Variants in FAM135B observed in about 807,000 individuals in gnomAD.
FAM135B encodes the protein family with sequence similarity 135 member B, also known as protein FAM135B.
FAM135B carries 43 observed loss-of-function variants against 127.7 expected under a neutral mutation model. The ratio of observed to expected loss-of-function variants is 0.34; its 90% CI spans 0.26 to 0.43. FAM135B has a LOEUF of 0.43. FAM135B is among the 20% of genes least tolerant of loss of function. The pLI is 1.00. For synonymous variants in FAM135B, 670 were observed against 665.1 expected, an observed-to-expected ratio of 1.01 and a Z score of -0.11; for missense variants, 1,558 against 1,725.6, an observed-to-expected ratio of 0.90 and a Z score of 1.72.
chr8:138,385,630 G>C (rs553521580), intron 1 of FAM135B, among the ~76,000 whole-genome samples: 4 of 151,634 alleles, frequency 2.6e-5, no homozygotes, highest in African/African-American at 7.3e-5. Context: ...GGCCAACATG[G>C]TGAAACACTG....
rs1818256420 is a variant in FAM135B at position 138,152,450 on chromosome 8, G to A, written c.2025C>T (p.Val675=). The A allele has an allele frequency of 6.2e-7, 1 of 1,614,178 alleles. No individual in the cohort carries two copies. The highest frequency in any genetic ancestry group is 8.5e-7 in the Non-Finnish European group (1 of 1,180,044). ...ATATGATGGATGAAGATCTCTTGAT[G>A]ACCCCGGATAGCACTGAGAGTTCCT... The part of the protein sequence containing the change: ...EQEELSVLSG[V]IKRSSSIISD... The change falls in exon 13 of 20, where the codon GTC becomes GTT. Residue 675 remains valine (V), a synonymous_variant. Transcript: ENST00000395297.
intron 9 of FAM135B, among the ~76,000 whole-genome samples, chr8:138,190,280 C>T: frequency 6.6e-6 from 1 of 152,202 alleles, no homozygotes; most frequent in Non-Finnish European, 1.5e-5. Flanking sequence ...AACCCCTCCT[C>T]TTGGTCAGGG....
intron 1 of FAM135B, among the ~76,000 whole-genome samples, chr8:138,408,030 T>C (rs1833626204): frequency 1.3e-5 from 2 of 152,204 alleles, no homozygotes; most frequent in African/African-American, 4.8e-5. Flanking sequence ...GCTTTGTTGT[T>C]CCATTTCTAG....
chr8:138,372,885 C>T (rs868775466), intron 1 of FAM135B, among the ~76,000 whole-genome samples: 6 of 74,778 alleles, frequency 8.0e-5, no homozygotes, highest in Admixed American at 3.4e-4. Flanking sequence ...GACCAGTCCA[C>T]GTTATGAAGC....
In FAM135B at chr8:138,181,802, C is replaced by G. The variant is rs74413426; in HGVS notation, c.874-3112G>C. 8.1e-3 allele frequency among the ~76,000 whole-genome samples: 1,238 copies of G among 152,264 alleles called. 16 individuals carry two copies. The highest frequency in any genetic ancestry group is 0.027 in the African/African-American group (1,142 of 41,552). On this transcript the variant is annotated intron_variant, in intron 9 of 19. Transcript: ENST00000395297. ...CTTCTGAACCTTCTCCAATGCTCCG[C>G]GTGTAAGTCTAAGATCCTTCTTGAC... is the stretch of plus-strand genomic sequence containing the variant.
rs1237076824 is a variant in FAM135B, at chr8:138,212,937, T to C, written c.670-15268A>G. Among the ~76,000 whole-genome samples, 4 of 152,210 alleles carry C rather than the reference T, an allele frequency of 2.6e-5. No homozygotes were observed. The East Asian group carries it at 7.7e-4, about 29-fold the overall frequency. ...ATAATGTGGCTTGAAGGTCCGATTTTTTAAAAAAAATTACTAGTCTCCAAT... is the reference window on the plus strand; with the variant it reads ...ATAATGTGGCTTGAAGGTCCGATTTCTTAAAAAAAATTACTAGTCTCCAAT... On this transcript the variant is annotated intron_variant, in intron 7 of 19. Coordinates refer to ENST00000395297, the MANE Select transcript of FAM135B (RefSeq NM_015912.4).
At position 138,445,302 on chromosome 8, in the gene FAM135B, A is replaced by T. The variant is rs529851446; in HGVS notation, c.-20+51369T>A. On this transcript the variant is annotated intron_variant, in intron 1 of 19. Transcript: ENST00000395297. Reference sequence around the variant, plus strand: ...GAGGGAATCCTCCCTAACTCATTTTATGAGGCCAGCATCATTCTGATACCA... The same window carrying T: ...GAGGGAATCCTCCCTAACTCATTTTTTGAGGCCAGCATCATTCTGATACCA... 3.8e-3 allele frequency among the ~76,000 whole-genome samples: 572 copies of T among 152,348 alleles called. 5 individuals are homozygous for T. The highest frequency in any genetic ancestry group is 0.013 in the African/African-American group (542 of 41,578).
intron 17 of FAM135B, among the ~76,000 whole-genome samples, chr8:138,139,871 C>A (rs938974169): frequency 1.3e-5 from 2 of 152,196 alleles, no homozygotes; most frequent in East Asian, 1.9e-4. Context: ...GCAAATTAAT[C>A]TGATAGAAAC....
At chr8:138,433,523 C>CAATA (rs144218276) in intron 1 of FAM135B, among the ~76,000 whole-genome samples, 12,210 of 140,600 alleles carry the variant, frequency 0.087, 602 homozygotes, top group East Asian at 0.14. Context: ...GATTCTGTCT[C>CAATA]AATAAATAAA....
chr8:138,408,155 C>T (rs548215873), intron 1 of FAM135B, among the ~76,000 whole-genome samples: 17 of 152,284 alleles, frequency 1.1e-4, no homozygotes, highest in Non-Finnish European at 1.6e-4. Flanking sequence ...TAACAAAAGA[C>T]GTCAGCCTTG....
At chr8:138,313,522 G>A (rs1826848947) in intron 2 of FAM135B, among the ~76,000 whole-genome samples, 1 of 150,870 alleles carries the variant, frequency 6.6e-6, no homozygotes, top group Non-Finnish European at 1.5e-5. Context: ...AATAAATTTT[G>A]TTTGTTTGTT....
chr8:138,415,152 G>C (rs1212891635), intron 1 of FAM135B, among the ~76,000 whole-genome samples: 1 of 152,176 alleles, frequency 6.6e-6, no homozygotes, highest in East Asian at 1.9e-4. Context: ...CCAAGAACTT[G>C]GTTTCAACCT....
At chr8:138,424,015 T>C (rs1258203754) in intron 1 of FAM135B, among the ~76,000 whole-genome samples, 1 of 152,104 alleles carries the variant, frequency 6.6e-6, no homozygotes, top group Admixed American at 6.6e-5. Context: ...GAGTTTAAGG[T>C]TTTCTCTCTT....
intron 11 of FAM135B, among the ~76,000 whole-genome samples, chr8:138,168,478 AT>A: frequency 6.6e-6 from 1 of 152,124 alleles, no homozygotes; most frequent in Non-Finnish European, 1.5e-5. Flanking sequence ...ATTTTGGCAT[AT>A]TTGAATTAAA....
chr8:138,160,572 T>TA (rs1328576071), intron 12 of FAM135B, among the ~76,000 whole-genome samples: 14 of 139,548 alleles, frequency 1.0e-4, no homozygotes, highest in Admixed American at 5.1e-4. Context: ...TTTTTTTTTG[T>TA]ATTTTAGTGG....
intron 3 of FAM135B, among the ~76,000 whole-genome samples, chr8:138,300,680 T>C (rs1314254614): frequency 6.6e-6 from 1 of 152,014 alleles, no homozygotes; most frequent in Non-Finnish European, 1.5e-5. Flanking sequence ...GAGCAAAGAA[T>C]TTATCTTGTG....
At chr8:138,464,676 T>C (rs755362634) in intron 1 of FAM135B, among the ~76,000 whole-genome samples, 5 of 152,192 alleles carry the variant, frequency 3.3e-5, no homozygotes, top group Non-Finnish European at 5.9e-5. Context: ...TATTCTTCCA[T>C]CATCCCAACA....
chr8:138,355,125 T>C (rs1434827098), intron 2 of FAM135B, among the ~76,000 whole-genome samples: 1 of 152,158 alleles, frequency 6.6e-6, no homozygotes, highest in Non-Finnish European at 1.5e-5. Flanking sequence ...TTGGTGGGAC[T>C]GTAAGCTAGT....
rs369847596 is a variant in FAM135B at position 138,406,476 on chromosome 8, A to G, written c.-19-38474T>C. On this transcript the variant is annotated intron_variant, in intron 1 of 19. Transcript: ENST00000395297. ...AACCAAAAAAGAGAATTTTAGACAA[A>G]TATCCTTGATGAACATTGATGCAAA... Among the ~76,000 whole-genome samples the G allele has an allele frequency of 4.6e-5, 7 of 151,274 alleles. No homozygotes were observed. The East Asian group carries it at 5.8e-4, about 13-fold the overall frequency.
Sources: gnomAD v4.1 joint callset for allele counts (sites outside exome capture counted in the v4.1 genomes callset) on GRCh38, gnomAD v4.1.1 for gene constraint, MANE v1.5 for transcripts, NCBI Gene and HGNC (gene_info 2026-07-23, HGNC 2026-07-21) for gene names.